MTUS2: variants seen among roughly 807,000 people sequenced by gnomAD.
MTUS2 encodes the protein microtubule associated scaffold protein 2, also known as microtubule-associated tumor suppressor candidate 2.
A neutral mutation model predicts 114.1 loss-of-function variants in MTUS2; 40 were observed. The ratio of observed to expected loss-of-function variants is 0.35; its 90% CI spans 0.27 to 0.46. The LOEUF is 0.46. Ranked by LOEUF, MTUS2 falls within the 20% of genes least tolerant of loss-of-function variation. The pLI is 1.00. For missense variants in MTUS2, 1,679 were observed against 1,705.4 expected (o/e 0.98, Z 0.27); for synonymous variants, 688 against 672.0 (o/e 1.02, Z -0.37).
intron 7 of MTUS2, among the ~76,000 whole-genome samples, chr13:29,328,824 C>T (rs9579314): frequency 0.19 from 29,210 of 152,138 alleles, 2,869 homozygotes; most frequent in Middle Eastern, 0.22. Flanking sequence ...TTTCAAAACA[C>T]GTTAAAGAAA....
intron 2 of MTUS2, among the ~76,000 whole-genome samples, chr13:28,887,498 C>T (rs1878662763): frequency 1.3e-5 from 2 of 152,142 alleles, no homozygotes; most frequent in African/African-American, 4.8e-5. Flanking sequence ...CATAAATGGT[C>T]ACACACACCA....
intron 2 of MTUS2, among the ~76,000 whole-genome samples, chr13:28,932,462 T>G (rs954457856): frequency 3.3e-5 from 5 of 152,168 alleles, no homozygotes; most frequent in Admixed American, 2.6e-4. Context: ...TACCCCACGG[T>G]ACTGAGAGAC....
rs1883110926 is a variant in MTUS2, at chr13:29,504,521, C to G, written c.*1315C>G. The stretch of plus-strand genomic sequence containing the variant: ...GGCAACGCTGCTGCTGACCGTGCTC[C>G]CATCTTAGACCCAGAAGGTTCTCCC... On this transcript the variant is annotated 3_prime_UTR_variant, in exon 16 of 16. Transcript: ENST00000612955. 8.6e-6 allele frequency: 2 copies of G among 232,638 alleles called. No homozygotes were observed. Among genetic ancestry groups the G allele is most frequent in the Non-Finnish European group, 1.7e-5 (2 of 117,856 alleles). The allele number at this position is 232,638 out of a possible 1,614,324, so 14.4% of individuals were successfully genotyped here. A position where few individuals can be genotyped will look rare whatever the true frequency, so the allele number is the denominator to read the frequency against.
intron 8 of MTUS2, among the ~76,000 whole-genome samples, chr13:29,374,295 G>A (rs1379340830): frequency 6.6e-6 from 1 of 151,432 alleles, no homozygotes; most frequent in African/African-American, 2.4e-5. Context: ...AATAATGGCT[G>A]AAAACTTCCC....
intron 12 of MTUS2, among the ~76,000 whole-genome samples, chr13:29,495,416 A>G (rs1272357564): frequency 6.6e-6 from 1 of 151,674 alleles, no homozygotes; most frequent in South Asian, 2.1e-4. Flanking sequence ...AAAGAGGAAA[A>G]GAAACCTACT....
chr13:28,861,800 T>C (rs1174896210), intron 2 of MTUS2, among the ~76,000 whole-genome samples: 5 of 152,142 alleles, frequency 3.3e-5, no homozygotes, highest in Admixed American at 6.5e-5. Flanking sequence ...GGAACTGCTC[T>C]GGAGGCGTGA....
intron 1 of MTUS2, among the ~76,000 whole-genome samples, chr13:28,829,355 GTC>G (rs1402378840): frequency 2.0e-5 from 3 of 151,746 alleles, no homozygotes; most frequent in Non-Finnish European, 4.4e-5. Flanking sequence ...GTGAAATGCT[GTC>G]TCTCCTAAAA....
At chr13:29,278,528 ATC>A (rs958384586) in intron 5 of MTUS2, among the ~76,000 whole-genome samples, 1 of 152,248 alleles carries the variant, frequency 6.6e-6, no homozygotes, top group African/African-American at 2.4e-5. Flanking sequence ...TGTGAAAAAA[ATC>A]TCAGCCTCGC....
chr13:28,836,204 AT>A (rs1307037076), intron 1 of MTUS2, among the ~76,000 whole-genome samples: 2 of 152,244 alleles, frequency 1.3e-5, no homozygotes, highest in African/African-American at 4.8e-5. Flanking sequence ...AATATTTTAC[AT>A]TTTTTCATGT....
chr13:28,994,719 A>T (rs552954546), intron 2 of MTUS2, among the ~76,000 whole-genome samples: 130 of 152,186 alleles, frequency 8.5e-4, no homozygotes, highest in African/African-American at 3.0e-3. Flanking sequence ...GTGTCTGTTC[A>T]TGTCCTTTGC....
intron 2 of MTUS2, among the ~76,000 whole-genome samples, chr13:28,894,812 G>C (rs890185915): frequency 1.3e-5 from 2 of 152,150 alleles, no homozygotes; most frequent in African/African-American, 4.8e-5. Context: ...TTGCAGCCAG[G>C]GAAAATGTAT....
chr13:29,254,781 C>G (rs569803748), intron 5 of MTUS2, among the ~76,000 whole-genome samples: 6 of 152,198 alleles, frequency 3.9e-5, no homozygotes, highest in Non-Finnish European at 5.9e-5. Flanking sequence ...ACACTGCCAG[C>G]TCTGATTACA....
intron 6 of MTUS2, among the ~76,000 whole-genome samples, chr13:29,309,020 A>G (rs1452976285): frequency 1.3e-5 from 2 of 152,194 alleles, no homozygotes; most frequent in Non-Finnish European, 2.9e-5. Context: ...CAGTGTGGCA[A>G]TTCCTCAAAG....
chr13:29,452,570 ATATATGTG>A (rs1458799829), intron 9 of MTUS2, among the ~76,000 whole-genome samples: 6 of 131,180 alleles, frequency 4.6e-5, no homozygotes, highest in South Asian at 2.4e-4. Flanking sequence ...ATATATATAT[ATATATGTG>A]TGTGTGTGTG....
At chr13:29,091,528 T>G (rs1486963844) in intron 4 of MTUS2, among the ~76,000 whole-genome samples, 1 of 152,200 alleles carries the variant, frequency 6.6e-6, no homozygotes. Flanking sequence ...GACCACTCTT[T>G]CATGAGCTTT....
At chr13:29,231,437 T>C (rs190587147) in intron 5 of MTUS2, among the ~76,000 whole-genome samples, 1 of 152,196 alleles carries the variant, frequency 6.6e-6, no homozygotes, top group Non-Finnish European at 1.5e-5. Context: ...CTTACAGTGC[T>C]CACATCAGCT....
At chr13:29,022,586 CAT>C (rs1296799240) in intron 2 of MTUS2, among the ~76,000 whole-genome samples, 2 of 152,190 alleles carry the variant, frequency 1.3e-5, no homozygotes, top group Non-Finnish European at 2.9e-5. Flanking sequence ...TCAGGAGAAA[CAT>C]AACAGTAGCC....
intron 2 of MTUS2, among the ~76,000 whole-genome samples, chr13:29,023,797 T>A (rs1886391994): frequency 6.6e-6 from 1 of 152,218 alleles, no homozygotes. Context: ...TGTCTCATGG[T>A]TAAATTCTGG....
At chr13:29,257,841 T>C (rs1220601032) in intron 5 of MTUS2, among the ~76,000 whole-genome samples, 2 of 152,180 alleles carry the variant, frequency 1.3e-5, no homozygotes, top group Non-Finnish European at 2.9e-5. Context: ...ACCTAGCATA[T>C]AGTAGTGGAT....
Sources: allele counts gnomAD v4.1 joint callset (sites outside exome capture counted in the v4.1 genomes callset), GRCh38; gene constraint gnomAD v4.1.1; transcripts MANE v1.5; gene names NCBI Gene and HGNC (gene_info 2026-07-23, HGNC 2026-07-21).